Variants in ADAMTS12 observed in about 807,000 individuals in gnomAD.
ADAMTS12 encodes ADAM metallopeptidase with thrombospondin type 1 motif 12.
ADAMTS12 carries 118 observed loss-of-function variants against 167.8 expected under a neutral mutation model. The observed-to-expected ratio is 0.70, with a 90% CI of 0.61 to 0.82. The LOEUF is 0.82. Among genes scored for constraint, ADAMTS12 ranks in the 40% least tolerant of loss-of-function variants. The pLI is 0.00. For synonymous variants in ADAMTS12, 704 were observed against 716.9 expected (o/e 0.98, Z 0.29); for missense variants, 1,916 against 1,998.8 (o/e 0.96, Z 0.79).
At chr5:33,828,134 C>T (rs1244012391) in intron 2 of ADAMTS12, among the ~76,000 whole-genome samples, 1 of 152,186 alleles carries the variant, frequency 6.6e-6, no homozygotes, top group Non-Finnish European at 1.5e-5. Context: ...AATGGTCACA[C>T]CAGGCTACTC....
At chr5:33,548,457 G>A (rs987873189) in intron 21 of ADAMTS12, among the ~76,000 whole-genome samples, 9 of 152,118 alleles carry the variant, frequency 5.9e-5, no homozygotes, top group South Asian at 2.1e-4. Context: ...GTATCATAGG[G>A]AAAGTGCCTA....
intron 2 of ADAMTS12, among the ~76,000 whole-genome samples, chr5:33,788,030 A>G (rs1328767520): frequency 6.6e-6 from 1 of 152,126 alleles, no homozygotes; most frequent in African/African-American, 2.4e-5. Flanking sequence ...ACCATAATGA[A>G]CTTTTAAGGA....
intron 18 of ADAMTS12, among the ~76,000 whole-genome samples, chr5:33,584,119 T>C (rs2642667): frequency 0.42 from 63,617 of 151,998 alleles, 13,429 homozygotes; most frequent in South Asian, 0.47. Flanking sequence ...TTATGTGACC[T>C]TGGACAAATT....
intron 12 of ADAMTS12, among the ~76,000 whole-genome samples, chr5:33,634,390 G>C (rs995924347): frequency 4.6e-5 from 7 of 152,128 alleles, no homozygotes; most frequent in African/African-American, 1.7e-4. Flanking sequence ...AAAACGGGAA[G>C]GCGGTGTGCA....
chr5:33,845,440 T>G (rs921674154), intron 2 of ADAMTS12, among the ~76,000 whole-genome samples: 1 of 152,144 alleles, frequency 6.6e-6, no homozygotes, highest in African/African-American at 2.4e-5. Flanking sequence ...CTGAGATAAT[T>G]GAATATCATC....
At chr5:33,837,313 A>G (rs548693809) in intron 2 of ADAMTS12, among the ~76,000 whole-genome samples, 1 of 152,238 alleles carries the variant, frequency 6.6e-6, no homozygotes, top group East Asian at 1.9e-4. Flanking sequence ...GACAGAATCG[A>G]CCAGGCAATG....
rs1329019251 is a variant in ADAMTS12, at chr5:33,881,371, C to T, written c.237G>A (p.Arg79=). The part of the protein sequence containing the change: ...YGLHYPITSS[R]RKRDLDGSED... ...CTGAGCCATCCAAATCTCTCTTCCT[C>T]CTGCTGCTCGTGATGGGATAGTGCA... Residue 79 remains arginine, a synonymous_variant, in exon 2 of 24, where the codon AGG becomes AGA. Coordinates refer to ENST00000504830, the MANE Select transcript of ADAMTS12 (RefSeq NM_030955.4). 1 of 1,614,184 alleles carries T rather than the reference C, an allele frequency of 6.2e-7. No homozygotes were observed. Among genetic ancestry groups the T allele is most frequent in the Admixed American group, 1.7e-5 (1 of 60,022 alleles).
intron 2 of ADAMTS12, among the ~76,000 whole-genome samples, chr5:33,859,305 T>G (rs1749518710): frequency 6.6e-6 from 1 of 152,204 alleles, no homozygotes; most frequent in African/African-American, 2.4e-5. Flanking sequence ...TGATCCGGGA[T>G]GGACTAGCTT....
intron 2 of ADAMTS12, among the ~76,000 whole-genome samples, chr5:33,809,153 C>T (rs753484099): frequency 6.6e-6 from 1 of 152,142 alleles, no homozygotes; most frequent in Non-Finnish European, 1.5e-5. Context: ...ATCAGGGATT[C>T]TCAAACTGTA....
chr5:33,884,939 GA>G (rs1411374362), intron 1 of ADAMTS12, among the ~76,000 whole-genome samples: 1 of 152,118 alleles, frequency 6.6e-6, no homozygotes, highest in African/African-American at 2.4e-5. Flanking sequence ...GAGCACGAAC[GA>G]AAAGCAATCA....
chr5:33,854,789 A>G (rs1749341811), intron 2 of ADAMTS12, among the ~76,000 whole-genome samples: 1 of 152,232 alleles, frequency 6.6e-6, no homozygotes, highest in African/African-American at 2.4e-5. Flanking sequence ...AATTTCCGCC[A>G]GCCAGAGGCC....
intron 2 of ADAMTS12, among the ~76,000 whole-genome samples, chr5:33,831,574 A>AGTCCTGCTT (rs1230748071): frequency 6.6e-6 from 1 of 152,192 alleles, no homozygotes; most frequent in Non-Finnish European, 1.5e-5. Flanking sequence ...CCAACTGAAG[A>AGTCCTGCTT]GTCCTGCTTC....
At chr5:33,820,681 T>A (rs1659095717) in intron 2 of ADAMTS12, among the ~76,000 whole-genome samples, 1 of 152,102 alleles carries the variant, frequency 6.6e-6, no homozygotes, top group African/African-American at 2.4e-5. Flanking sequence ...AGGAGAATAA[T>A]CTCATGCGAT....
intron 2 of ADAMTS12, among the ~76,000 whole-genome samples, chr5:33,793,939 A>C (rs1746674538): frequency 1.3e-5 from 2 of 152,138 alleles, no homozygotes; most frequent in South Asian, 4.1e-4. Context: ...TCTGGTCAGG[A>C]GGCTTCTCGC....
intron 11 of ADAMTS12, among the ~76,000 whole-genome samples, chr5:33,639,030 G>T (rs779499770): frequency 1.3e-5 from 2 of 152,056 alleles, no homozygotes; most frequent in African/African-American, 2.4e-5. Flanking sequence ...TTCGAATTTG[G>T]TATTATCTTT....
intron 11 of ADAMTS12, among the ~76,000 whole-genome samples, chr5:33,638,665 G>A (rs1030691951): frequency 4.6e-5 from 7 of 152,076 alleles, no homozygotes; most frequent in South Asian, 2.1e-4. Flanking sequence ...CTGCCTGCAC[G>A]TCCTGAATCT....
chr5:33,872,545 T>TTAAAA (rs1260532304), intron 2 of ADAMTS12, among the ~76,000 whole-genome samples: 1 of 111,414 alleles, frequency 9.0e-6, no homozygotes, highest in East Asian at 3.4e-4. Context: ...AGACTTCATC[T>TTAAAA]GAAAAAAAAA....
chr5:33,845,940 C>T (rs923629881), intron 2 of ADAMTS12, among the ~76,000 whole-genome samples: 23 of 152,176 alleles, frequency 1.5e-4, no homozygotes, highest in Admixed American at 9.8e-4. Flanking sequence ...CCAGGTGTTG[C>T]AGTGGGAACT....
intron 18 of ADAMTS12, among the ~76,000 whole-genome samples, chr5:33,584,538 A>T (rs1383927641): frequency 6.6e-6 from 1 of 152,222 alleles, no homozygotes; most frequent in Non-Finnish European, 1.5e-5. Flanking sequence ...GGTACGACTG[A>T]TTGAACAAGG....
Sources: gnomAD v4.1 joint callset for allele counts (sites outside exome capture counted in the v4.1 genomes callset) on GRCh38, gnomAD v4.1.1 for gene constraint, MANE v1.5 for transcripts, NCBI Gene and HGNC (gene_info 2026-07-23, HGNC 2026-07-21) for gene names.